The following ADAMTSL3 variants were observed in gnomAD, a reference collection of about 807,000 sequenced individuals.
The protein encoded by ADAMTSL3 is ADAMTS like 3.
In ADAMTSL3, 128 loss-of-function variants were observed where a neutral mutation model predicts 201.7. That is an observed-to-expected ratio of 0.63 (90% CI 0.55 to 0.73). The LOEUF (loss-of-function observed/expected upper bound fraction) is 0.73. ADAMTSL3 is among the 30% of genes least tolerant of loss of function. The pLI, the probability that ADAMTSL3 is intolerant of heterozygous loss-of-function variation, is 0.00. For missense variants in ADAMTSL3, 1,990 were observed against 2,119.6 expected (o/e 0.94, Z 1.20); for synonymous variants, 738 against 748.4 (o/e 0.99, Z 0.23).
chr15:83,752,404 G>T (rs1220986385), intron 3 of ADAMTSL3, among the ~76,000 whole-genome samples: 1 of 152,132 alleles, frequency 6.6e-6, no homozygotes, highest in South Asian at 2.1e-4. Context: ...TAAAATATAT[G>T]ATTAAATCTA....
intron 2 of ADAMTSL3, among the ~76,000 whole-genome samples, chr15:83,673,621 C>G (rs1052499011): frequency 2.6e-5 from 4 of 152,156 alleles, no homozygotes; most frequent in Non-Finnish European, 5.9e-5. Context: ...TTTTTCCACT[C>G]TAGGAATAAC....
At position 83,659,698 on chromosome 15, in the gene ADAMTSL3, A is replaced by G. The variant is rs2061137365; in HGVS notation, c.69+3868A>G. Among the ~76,000 whole-genome samples, 4 of 152,312 alleles carry G rather than the reference A, an allele frequency of 2.6e-5. No individual in the cohort carries two copies. The South Asian group carries it at 8.3e-4, about 32-fold the overall frequency. On this transcript the variant is annotated intron_variant, in intron 2 of 29. Coordinates refer to ENST00000286744, the MANE Select transcript of ADAMTSL3 (RefSeq NM_207517.3). ...TGGCAAAAAGGACTTGGCAGATGTG[A>G]TTAAGAATATTGAATTGGGGAGACT...
chr15:83,717,391 G>T (rs2062034451), intron 3 of ADAMTSL3: 7 of 152,208 alleles, frequency 4.6e-5, no homozygotes, highest in Admixed American at 1.3e-4. Flanking sequence ...GATATGCCCT[G>T]TGCCTTATAA....
chr15:83,923,296 T>C (rs1489693035), intron 16 of ADAMTSL3, among the ~76,000 whole-genome samples: 1 of 152,208 alleles, frequency 6.6e-6, no homozygotes, highest in South Asian at 2.1e-4. Context: ...ATACTATTCT[T>C]TTGACCTCAC....
chr15:83,723,242 C>A (rs1356505708), intron 3 of ADAMTSL3, among the ~76,000 whole-genome samples: 1 of 152,066 alleles, frequency 6.6e-6, no homozygotes, highest in Non-Finnish European at 1.5e-5. Flanking sequence ...CAAGCAATGA[C>A]TAAAAAGCAC....
At chr15:83,726,947 G>A (rs2062186221) in intron 3 of ADAMTSL3, among the ~76,000 whole-genome samples, 1 of 151,698 alleles carries the variant, frequency 6.6e-6, no homozygotes, top group South Asian at 2.1e-4. Flanking sequence ...CGATTTTTGA[G>A]AATAGTTTGA....
intron 23 of ADAMTSL3, among the ~76,000 whole-genome samples, chr15:83,996,111 A>G (rs2067682046): frequency 6.6e-6 from 1 of 152,236 alleles, no homozygotes; most frequent in South Asian, 2.1e-4. Flanking sequence ...TGCCTAAAAT[A>G]TGAACATATT....
chr15:83,801,651 A>C (rs77646063), intron 4 of ADAMTSL3, among the ~76,000 whole-genome samples: 1 of 31,288 alleles, frequency 3.2e-5, no homozygotes, highest in East Asian at 8.8e-4. Flanking sequence ...TATAAATATA[A>C]ATATATATAT....
At chr15:83,925,372 A>C (rs1002995673) in intron 17 of ADAMTSL3, among the ~76,000 whole-genome samples, 7 of 152,126 alleles carry the variant, frequency 4.6e-5, no homozygotes, top group Non-Finnish European at 1.5e-5. Context: ...TTGTTGGCTT[A>C]TGTTAGAGCC....
At chr15:83,892,925 C>A (rs1192878596) in intron 13 of ADAMTSL3, 37 bp downstream of exon 13, 8 of 1,582,494 alleles carry the variant, frequency 5.1e-6, no homozygotes, top group South Asian at 1.1e-5. Context: ...AATTAATTCT[C>A]ATATTTTAAG....
intron 17 of ADAMTSL3, among the ~76,000 whole-genome samples, chr15:83,928,971 G>A (rs2066298307): frequency 6.6e-6 from 1 of 152,114 alleles, no homozygotes; most frequent in Non-Finnish European, 1.5e-5. Flanking sequence ...CTAATCATGT[G>A]TAACTGCCAC....
intron 19 of ADAMTSL3, among the ~76,000 whole-genome samples, chr15:83,955,956 T>G (rs1283343494): frequency 1.3e-5 from 2 of 152,206 alleles, no homozygotes; most frequent in East Asian, 3.9e-4. Context: ...ACTGCCCCAG[T>G]CCACTGGCTC....
At chr15:83,858,655 G>T in intron 7 of ADAMTSL3, 111 bp from the exon 8 acceptor site, 1 of 811,652 alleles carries the variant, frequency 1.2e-6, no homozygotes, top group Non-Finnish European at 2.0e-6. Context: ...TTACAGAAAT[G>T]AAATATAGTT....
chr15:83,704,546 T>G, intron 3 of ADAMTSL3, 38 bp downstream of exon 3: 1 of 1,585,988 alleles, frequency 6.3e-7, no homozygotes, highest in Non-Finnish European at 8.5e-7. Context: ...TTGGCTTTGC[T>G]GTTTGCCAGT....
intron 17 of ADAMTSL3, among the ~76,000 whole-genome samples, chr15:83,935,177 T>C (rs551304019): frequency 3.3e-4 from 51 of 152,344 alleles, no homozygotes; most frequent in African/African-American, 1.2e-3. Flanking sequence ...TTGTACCCCT[T>C]ACATTTCTAC....
chr15:83,789,001 G>T (rs897892122), intron 4 of ADAMTSL3, among the ~76,000 whole-genome samples: 1 of 151,956 alleles, frequency 6.6e-6, no homozygotes, highest in Non-Finnish European at 1.5e-5. Context: ...AGTAGAGATG[G>T]GGTTTCACCA....
At chr15:83,950,050 C>G (rs2066730147) in intron 19 of ADAMTSL3, among the ~76,000 whole-genome samples, 1 of 152,056 alleles carries the variant, frequency 6.6e-6, no homozygotes, top group Non-Finnish European at 1.5e-5. Context: ...TTTGCCTGTG[C>G]TCGTGGGGTA....
chr15:83,663,889 G>A (rs552306139), intron 2 of ADAMTSL3, among the ~76,000 whole-genome samples: 98 of 152,266 alleles, frequency 6.4e-4, no homozygotes, highest in Non-Finnish European at 1.3e-3. Flanking sequence ...CTGTGATCCC[G>A]GCACTCCTTT....
Position 83,983,220 on chromosome 15 carries a change from A to T in ADAMTSL3, c.3592A>T (p.Ile1198Phe). Residue 1198 changes from isoleucine to phenylalanine, a missense_variant, in exon 21 of 30, where the codon ATT becomes TTT. Ile to Phe is a conservative substitution (Grantham distance 21, BLOSUM62 0). Transcript: ENST00000286744. Reference protein sequence around the residue: ...ISFNKTINSRIGNTVYITKRT... With the variant: ...ISFNKTINSRFGNTVYITKRT... Reference sequence around the variant, plus strand: ...ATTTAATAAAACAATAAATTCCAGGATTGGAAATACAGTATACATTACAAA... The same window carrying T: ...ATTTAATAAAACAATAAATTCCAGGTTTGGAAATACAGTATACATTACAAA... 1 of 1,614,082 alleles carries T rather than the reference A, an allele frequency of 6.2e-7. No homozygotes were observed. The highest frequency in any genetic ancestry group is 1.1e-5 in the South Asian group (1 of 91,036).
Sources: allele counts gnomAD v4.1 joint callset (sites outside exome capture counted in the v4.1 genomes callset), GRCh38; gene constraint gnomAD v4.1.1; transcripts MANE v1.5; gene names NCBI Gene and HGNC (gene_info 2026-07-23, HGNC 2026-07-21).